The following SPRR2D variants were observed in gnomAD, a reference collection of about 807,000 sequenced individuals.
SPRR2D encodes small proline rich protein 2D.
For missense variants in SPRR2D, 81 were observed against 87.2 expected, an observed-to-expected ratio of 0.93 and a Z score of 0.28; for synonymous variants, 43 against 32.8, an observed-to-expected ratio of 1.31 and a Z score of -1.06.
chr1:153,040,165 G>A lies in SPRR2D; in HGVS notation c.182C>T (p.Pro61Leu), dbSNP rs370349721. ...GGGTGGACACTTTGGCTGGCAGGGT[G>A]GGGAAGGTGTCACAGGAGGATATTT... ...QQKYPPVTPSPPCQPKCPPKS... is the reference protein window; with the variant it reads ...QQKYPPVTPSLPCQPKCPPKS... The change falls in exon 2 of 2, where the codon CCA becomes CTA. Residue 61 changes from proline to leucine, a missense_variant. By Grantham distance (98) the Pro-to-Leu change is moderately conservative (BLOSUM62 -3). Transcript: ENST00000360379. 1.6e-4 allele frequency: 253 copies of A among 1,613,028 alleles called. No homozygotes were observed. Among genetic ancestry groups the A allele is most frequent in the Admixed American group, 3.3e-5 (2 of 60,022 alleles).
chr1:153,039,963 G>T lies in SPRR2D; in HGVS notation c.*165C>A. 1.5e-6 allele frequency: 2 copies of T among 1,364,186 alleles called. No homozygotes were observed. Among genetic ancestry groups the T allele is most frequent in the Non-Finnish European group, 2.0e-6 (2 of 1,008,612 alleles). 84.5% of individuals were successfully genotyped at this position (1,364,186 alleles called of 1,614,324 possible). The stretch of plus-strand genomic sequence containing the variant: ...TGGCAGTATGGCAGCCTCAGAAAGG[G>T]AATCTTTTGCTGTCACAGATCATCA... On this transcript the variant is annotated 3_prime_UTR_variant, in exon 2 of 2. Coordinates refer to ENST00000360379, the MANE Select transcript of SPRR2D (RefSeq NM_006945.5).
rs1039309445 is a variant in SPRR2D at position 153,040,555 on chromosome 1, T to C, written c.-19-190A>G. The C allele has an allele frequency of 3.0e-6, 3 of 1,015,352 alleles. No individual in the cohort carries two copies. In the Admixed American group the frequency reaches 8.7e-5, roughly 29 times the overall value. 62.9% of individuals were successfully genotyped at this position (1,015,352 alleles called of 1,614,324 possible). On this transcript the variant is annotated intron_variant, in intron 1 of 1. Coordinates refer to ENST00000360379, the MANE Select transcript of SPRR2D (RefSeq NM_006945.5). The stretch of plus-strand genomic sequence containing the variant: ...ATTGCTTCATTGGCCCTGGGAAATC[T>C]TGTGTTTTCTCATACAATTTTTCCA...
At chr1:153,040,591 C>A in intron 1 of SPRR2D, 1 of 761,786 alleles carries the variant, frequency 1.3e-6, no homozygotes, top group Non-Finnish European at 2.1e-6. Flanking sequence ...AAGAAAATAT[C>A]TCTGTAGTAA....
chr1:153,039,985 A>G lies in SPRR2D; in HGVS notation c.*143T>C. 1.4e-6 allele frequency: 2 copies of G among 1,459,278 alleles called. No homozygotes were observed. The highest frequency in any genetic ancestry group is 2.7e-5 in the South Asian group (2 of 73,360). 90.4% of individuals were successfully genotyped at this position (1,459,278 alleles called of 1,614,324 possible). A position where few individuals can be genotyped will look rare whatever the true frequency, so the allele number is the denominator to read the frequency against. ...AGGGAATCTTTTGCTGTCACAGATCATCACAGGCAGGCCACAGGTTAAGGA... is the reference window on the plus strand; with the variant it reads ...AGGGAATCTTTTGCTGTCACAGATCGTCACAGGCAGGCCACAGGTTAAGGA... On this transcript the variant is annotated 3_prime_UTR_variant, in exon 2 of 2. Coordinates refer to ENST00000360379, the MANE Select transcript of SPRR2D (RefSeq NM_006945.5).
At chr1:153,040,995 G>A (rs1653975764) in intron 1 of SPRR2D, 83 bp downstream of exon 1, 1 of 155,390 alleles carries the variant, frequency 6.4e-6, no homozygotes, top group Non-Finnish European at 1.4e-5. Flanking sequence ...TTACAGAATT[G>A]TATCAACCAA....
rs3204289 is a variant in SPRR2D, at chr1:153,040,037, A to T, written c.*91T>A. ...AAAGAAGCTCCCTGTGCATCCATGG[A>T]AGGCTTTGGTGAGAAGATGCAAGTG... is the stretch of plus-strand genomic sequence containing the variant. On this transcript the variant is annotated 3_prime_UTR_variant, in exon 2 of 2. Transcript: ENST00000360379. 1.3e-6 allele frequency: 2 copies of T among 1,546,052 alleles called. No homozygotes were observed. The highest frequency in any genetic ancestry group is 1.9e-5 in the Admixed American group (1 of 53,144).
Position 153,039,841 on chromosome 1 carries a change from T to C in SPRR2D, c.*287A>G. The C allele has an allele frequency of 3.4e-6, 2 of 579,748 alleles. No homozygotes were observed. Among genetic ancestry groups the C allele is most frequent in the East Asian group, 5.7e-5 (2 of 34,990 alleles). The allele number at this position is 579,748 out of a possible 1,614,324, so 35.9% of individuals were successfully genotyped here. The stretch of plus-strand genomic sequence containing the variant: ...GACACAGAACACATCAACAGAATTG[T>C]CTGATGGTTCCCAGGGAGAGAGCTG... On this transcript the variant is annotated 3_prime_UTR_variant, in exon 2 of 2. Transcript: ENST00000360379.
chr1:153,040,554 C>T (rs1163981998), intron 1 of SPRR2D, 189 bp from the exon 2 acceptor site: 9 of 1,013,558 alleles, frequency 8.9e-6, no homozygotes, highest in Non-Finnish European at 1.3e-5. Context: ...CCTGGGAAAT[C>T]TTGTGTTTTC....
chr1:153,040,699 A>C, intron 1 of SPRR2D: 3 of 391,542 alleles, frequency 7.7e-6, no homozygotes, highest in Admixed American at 4.1e-5. Context: ...TTCTCTTATC[A>C]TTATCTGTAG....
At position 153,039,747 on chromosome 1, in the gene SPRR2D, T is replaced by C. The variant is rs576547419; in HGVS notation, c.*381A>G. 7.9e-6 allele frequency: 3 copies of C among 381,008 alleles called. No individual in the cohort carries two copies. Among genetic ancestry groups the C allele is most frequent in the East Asian group, 8.4e-5 (2 of 23,918 alleles). 23.6% of individuals were successfully genotyped at this position (381,008 alleles called of 1,614,324 possible). A position where few individuals can be genotyped will look rare whatever the true frequency, so the allele number is the denominator to read the frequency against. ...TTCACAAATATATATGCATAGATAC[T>C]TTATTCAGGGAGTGAAAGATAAATG... On this transcript the variant is annotated 3_prime_UTR_variant, in exon 2 of 2. Transcript: ENST00000360379.
At chr1:153,040,670 G>A in intron 1 of SPRR2D, 3 of 481,660 alleles carry the variant, frequency 6.2e-6, no homozygotes, top group South Asian at 2.2e-5. Flanking sequence ...CAGATACCAT[G>A]AGCAATCTCA....
Position 153,040,026 on chromosome 1 carries a change from T to C in SPRR2D, c.*102A>G, listed in dbSNP as rs1653941781. ...AGGTTAAGGAGAAAGAAGCTCCCTG[T>C]GCATCCATGGAAGGCTTTGGTGAGA... On this transcript the variant is annotated 3_prime_UTR_variant, in exon 2 of 2. Transcript: ENST00000360379. 7.2e-6 allele frequency: 11 copies of C among 1,537,192 alleles called. No homozygotes were observed. The highest frequency in any genetic ancestry group is 9.6e-6 in the Non-Finnish European group (11 of 1,140,544).
At chr1:153,040,687 A>T in intron 1 of SPRR2D, 1 of 431,664 alleles carries the variant, frequency 2.3e-6, no homozygotes, top group Non-Finnish European at 4.2e-6. Context: ...CTCACAAGCC[A>T]TTTCTCTTAT....
rs1232329955 is a variant in SPRR2D at position 153,039,885 on chromosome 1, C to G, written c.*243G>C. The G allele has an allele frequency of 4.1e-6, 3 of 734,540 alleles. No individual in the cohort carries two copies. The highest frequency in any genetic ancestry group is 5.5e-5 in the East Asian group (2 of 36,130). 45.5% of individuals were successfully genotyped at this position (734,540 alleles called of 1,614,324 possible). A position where few individuals can be genotyped will look rare whatever the true frequency, so the allele number is the denominator to read the frequency against. On this transcript the variant is annotated 3_prime_UTR_variant, in exon 2 of 2. Transcript: ENST00000360379. ...AGAGCTGCTGCTCTTTCTTCCGAAGCTCTGGGAGCTGGCACAGCTGAGGAC... is the reference window on the plus strand; with the variant it reads ...AGAGCTGCTGCTCTTTCTTCCGAAGGTCTGGGAGCTGGCACAGCTGAGGAC...
Position 153,040,257 on chromosome 1 carries a change from C to A in SPRR2D, c.90G>T (p.Pro30=). 1 of 1,612,468 alleles carries A rather than the reference C, an allele frequency of 6.2e-7. No homozygotes were observed. Among genetic ancestry groups the A allele is most frequent in the Non-Finnish European group, 8.5e-7 (1 of 1,179,818 alleles). The change falls in exon 2 of 2, where the codon CCG becomes CCT. Residue 30 remains proline, a synonymous_variant. Coordinates refer to ENST00000360379, the MANE Select transcript of SPRR2D (RefSeq NM_006945.5). Reference sequence around the variant, plus strand: ...GTGATGGGCAGGGCTCAGGGCACTTCGGGGGTGGACATGGCTCTGGGCACT... The same window carrying A: ...GTGATGGGCAGGGCTCAGGGCACTTAGGGGGTGGACATGGCTCTGGGCACT... ...TPKCPEPCPP[P]KCPEPCPSPK...
Position 153,040,235 on chromosome 1 carries a change from A to ATGGGC in SPRR2D, c.107_111dup (p.Ser38AlafsTer22), listed in dbSNP as rs1653952105. On this transcript the variant is annotated frameshift_variant, in exon 2 of 2. Coordinates refer to ENST00000360379, the MANE Select transcript of SPRR2D (RefSeq NM_006945.5). LOFTEE classifies it low-confidence loss of function (END_TRUNC). ...GGGCAGGGCTGTGGACACTTTGGTG[A>ATGGGC]TGGGCAGGGCTCAGGGCACTTCGGG... 1 of 1,612,336 alleles carries ATGGGC rather than the reference A, an allele frequency of 6.2e-7. No homozygotes were observed. The highest frequency in any genetic ancestry group is 8.5e-7 in the Non-Finnish European group (1 of 1,179,796).
chr1:153,040,381 C>G lies in SPRR2D; in HGVS notation c.-19-16G>C, dbSNP rs1180594738. 11 of 1,609,910 alleles carry G rather than the reference C, an allele frequency of 6.8e-6. No homozygotes were observed. Among genetic ancestry groups the G allele is most frequent in the Non-Finnish European group, 9.3e-6 (11 of 1,179,848 alleles). On this transcript the variant is annotated splice_polypyrimidine_tract_variant and intron_variant, in intron 1 of 1. Coordinates refer to ENST00000360379, the MANE Select transcript of SPRR2D (RefSeq NM_006945.5). ...GTCTCAGGATCTGAAAGAAATGATA[C>G]AACAGTGTTTGTGGGAAGGGACTCC...
At chr1:153,040,437 A>C in intron 1 of SPRR2D, 72 bp from the exon 2 acceptor site, 1 of 1,586,522 alleles carries the variant, frequency 6.3e-7, no homozygotes. Context: ...CTTATGTAAT[A>C]CCATGAAATA....
Position 153,041,097 on chromosome 1 carries a change from C to T in SPRR2D, c.-39G>A, listed in dbSNP as rs547959094. The T allele has an allele frequency of 1.4e-3, 221 of 153,598 alleles. 1 individual carries two copies. Among genetic ancestry groups the T allele is most frequent in the Non-Finnish European group, 2.6e-3 (180 of 69,002 alleles). 9.5% of individuals were successfully genotyped at this position (153,598 alleles called of 1,614,324 possible). On this transcript the variant is annotated 5_prime_UTR_variant, in exon 1 of 2. Transcript: ENST00000360379. ...ACTCACCAGGTTCTCCAAAGCAGAT[C>T]GGTGCTAGAGTACCAGGAGTTTAAG...
Sources: gnomAD v4.1 joint callset for allele counts on GRCh38, gnomAD v4.1.1 for gene constraint, MANE v1.5 for transcripts, NCBI Gene and HGNC (gene_info 2026-07-23, HGNC 2026-07-21) for gene names.